RASEF: variants seen among roughly 807,000 people sequenced by gnomAD.
The protein encoded by RASEF is RAS and EF-hand domain containing.
In RASEF, 68 loss-of-function variants were observed where a neutral mutation model predicts 90.1. That is an observed-to-expected ratio of 0.75 (90% CI 0.62 to 0.92). The LOEUF (loss-of-function observed/expected upper bound fraction) is 0.92. Ranked by LOEUF, RASEF falls within the 40% of genes least tolerant of loss-of-function variation. The pLI, the probability that RASEF is intolerant of heterozygous loss-of-function variation, is 0.00. For synonymous variants in RASEF, 331 were observed against 345.2 expected (o/e 0.96, Z 0.46); for missense variants, 949 against 937.2 (o/e 1.01, Z -0.16).
the RASEF span, among the ~76,000 whole-genome samples, chr9:83,183,650 TATA>T: frequency 2.6e-5 from 4 of 152,218 alleles, no homozygotes; most frequent in African/African-American, 4.8e-5. Flanking sequence ...ATGTTTGAAT[TATA>T]ATCATTTTAA....
intron 1 of RASEF, among the ~76,000 whole-genome samples, chr9:83,059,501 A>C (rs1206022732): frequency 6.6e-6 from 1 of 152,190 alleles, no homozygotes. Context: ...TTTGGCAAAC[A>C]TTTACTGAGT....
At chr9:83,004,462 T>G (rs752579993) in intron 9 of RASEF, 36 bp downstream of exon 9, 3 of 1,292,220 alleles carry the variant, frequency 2.3e-6, no homozygotes, top group Non-Finnish European at 2.3e-6. Flanking sequence ...ACTGTGATTC[T>G]GAACTTGAAC....
the RASEF span, among the ~76,000 whole-genome samples, chr9:83,147,369 G>T: frequency 1.3e-5 from 2 of 152,062 alleles, no homozygotes; most frequent in African/African-American, 4.8e-5. Context: ...TTTCTGAGAA[G>T]GTCGGCGCAT....
At position 83,012,414 on chromosome 9, in the gene RASEF, A is replaced by C. The variant is rs377450663; in HGVS notation, c.843+20T>G. Reference sequence around the variant, plus strand: ...GTCTAACAGGAAGTGCATTTCTGTAAGTGAAAAGGTAATTCTTACCATTGA... The same window carrying C: ...GTCTAACAGGAAGTGCATTTCTGTACGTGAAAAGGTAATTCTTACCATTGA... On this transcript the variant is annotated intron_variant, in intron 5 of 16. Coordinates refer to ENST00000376447, the MANE Select transcript of RASEF (RefSeq NM_152573.4). 1.1e-4 allele frequency: 156 copies of C among 1,372,628 alleles called. No homozygotes were observed. Among genetic ancestry groups the C allele is most frequent in the Non-Finnish European group, 1.5e-4 (146 of 992,980 alleles). 85.0% of individuals were successfully genotyped at this position (1,372,628 alleles called of 1,614,324 possible).
At chr9:83,163,500 A>G in the RASEF span, among the ~76,000 whole-genome samples, 2 of 152,264 alleles carry the variant, frequency 1.3e-5, no homozygotes, top group Admixed American at 1.3e-4. Flanking sequence ...GCAAGAACCA[A>G]TGGGCAACAT....
the RASEF span, among the ~76,000 whole-genome samples, chr9:83,166,913 C>A: frequency 8.6e-5 from 13 of 152,038 alleles, no homozygotes; most frequent in African/African-American, 2.9e-4. Flanking sequence ...AAACTGAGAT[C>A]TAAGATATGA....
the RASEF span, among the ~76,000 whole-genome samples, chr9:83,070,299 G>A: frequency 2.8e-4 from 43 of 152,086 alleles, no homozygotes; most frequent in African/African-American, 3.4e-4. Context: ...GTTAATTTTT[G>A]TGTATTAAAT....
intron 12 of RASEF, among the ~76,000 whole-genome samples, chr9:82,999,319 C>A (rs1375309998): frequency 1.3e-5 from 2 of 152,106 alleles, no homozygotes; most frequent in African/African-American, 4.8e-5. Flanking sequence ...AAGTGGCAAT[C>A]CATATTGTCA....
the RASEF span, among the ~76,000 whole-genome samples, chr9:83,076,452 T>C: frequency 1.3e-5 from 2 of 151,952 alleles, no homozygotes; most frequent in Non-Finnish European, 2.9e-5. Context: ...AGGTCACATT[T>C]GCCACAAAAT....
At chr9:83,075,353 G>A in the RASEF span, among the ~76,000 whole-genome samples, 1 of 152,024 alleles carries the variant, frequency 6.6e-6, no homozygotes, top group Non-Finnish European at 1.5e-5. Flanking sequence ...ATGTGTGTGC[G>A]TGTATATGTT....
the RASEF span, among the ~76,000 whole-genome samples, chr9:83,213,093 T>TA: frequency 0.029 from 4,176 of 145,774 alleles, 144 homozygotes; most frequent in African/African-American, 0.082. Flanking sequence ...GCACACGTTT[T>TA]AAAAAAAAAA....
At chr9:83,185,364 T>G in the RASEF span, among the ~76,000 whole-genome samples, 1 of 151,124 alleles carries the variant, frequency 6.6e-6, no homozygotes, top group Non-Finnish European at 1.5e-5. Flanking sequence ...TTTTTTTTTT[T>G]TTAATTTTTT....
chr9:83,185,604 T>C, the RASEF span, among the ~76,000 whole-genome samples: 703 of 152,152 alleles, frequency 4.6e-3, 4 homozygotes, highest in African/African-American at 0.016. Flanking sequence ...CAGTCTGATG[T>C]TCCCAACAAC....
rs561007274 is a variant in RASEF at position 82,981,722 on chromosome 9, T to G, written c.*955A>C. 2 of 152,270 alleles carry G rather than the reference T, an allele frequency of 1.3e-5. No homozygotes were observed. Among genetic ancestry groups the G allele is most frequent in the South Asian group, 4.1e-4 (2 of 4,828 alleles). The allele number at this position is 152,270 out of a possible 1,614,324, so 9.4% of individuals were successfully genotyped here. A position where few individuals can be genotyped will look rare whatever the true frequency, so the allele number is the denominator to read the frequency against. ...CTATTCCAATTCCAGAACATTCTCATCATCGCCCAAAGAAACCACATACCT... is the reference window on the plus strand; with the variant it reads ...CTATTCCAATTCCAGAACATTCTCAGCATCGCCCAAAGAAACCACATACCT... On this transcript the variant is annotated 3_prime_UTR_variant, in exon 17 of 17. Coordinates refer to ENST00000376447, the MANE Select transcript of RASEF (RefSeq NM_152573.4).
chr9:83,081,249 G>A, the RASEF span, among the ~76,000 whole-genome samples: 2 of 152,160 alleles, frequency 1.3e-5, no homozygotes, highest in Non-Finnish European at 2.9e-5. Flanking sequence ...TCTTTTCAAA[G>A]TAAATGAAAC....
rs1473937937 is a variant in RASEF, at chr9:83,000,324, G to A, written c.1576-8C>T. ...GTCATCTACCAGGTCTGTCTGGGGG[G>A]AAAAGCCACAGTGAATGATAACGGT... On this transcript the variant is annotated splice_polypyrimidine_tract_variant and splice_region_variant and intron_variant, in intron 11 of 16. Transcript: ENST00000376447. 2.5e-6 allele frequency: 4 copies of A among 1,612,414 alleles called. No homozygotes were observed. Among genetic ancestry groups the A allele is most frequent in the Middle Eastern group, 1.7e-4 (1 of 6,056 alleles).
At chr9:83,164,014 C>G in the RASEF span, among the ~76,000 whole-genome samples, 110 of 146,860 alleles carry the variant, frequency 7.5e-4, no homozygotes, top group African/African-American at 2.7e-3. Flanking sequence ...AAAAACCCTA[C>G]CAACCTAGAA....
At position 83,032,272 on chromosome 9, in the gene RASEF, C is replaced by T. The variant is rs145825671; in HGVS notation, c.432-6351G>A. On this transcript the variant is annotated intron_variant, in intron 1 of 16. Transcript: ENST00000376447. ...CAACTCTGTTTTCTTCTGGGCCTGA[C>T]CCAGTTGGCACAAGTGAGTGCTGAG... Among the ~76,000 whole-genome samples the T allele has an allele frequency of 2.4e-3, 366 of 152,204 alleles. 12 individuals are homozygous for T. In the East Asian group the frequency reaches 0.067, roughly 28 times the overall value.
At chr9:83,025,570 A>G (rs1829528657) in intron 2 of RASEF, among the ~76,000 whole-genome samples, 2 of 152,228 alleles carry the variant, frequency 1.3e-5, no homozygotes, top group East Asian at 1.9e-4. Context: ...AAGAGTTTAT[A>G]TAATAGGATC....
Sources: allele counts gnomAD v4.1 joint callset (sites outside exome capture counted in the v4.1 genomes callset), GRCh38; gene constraint gnomAD v4.1.1; transcripts MANE v1.5; gene names NCBI Gene and HGNC (gene_info 2026-07-23, HGNC 2026-07-21).